REM1: variants seen among roughly 807,000 people sequenced by gnomAD.
REM1 encodes the protein RRAD and GEM like GTPase 1, also known as GTP-binding protein REM 1.
REM1 carries 20 observed loss-of-function variants against 27.0 expected under a neutral mutation model. That is an observed-to-expected ratio of 0.74 (90% CI 0.52 to 1.08). The LOEUF is 1.08. Among genes scored for constraint, REM1 ranks in the 50% least tolerant of loss-of-function variants. The pLI, the probability that REM1 is intolerant of heterozygous loss-of-function variation, is 0.00. For synonymous variants in REM1, 159 were observed against 167.9 expected (o/e 0.95, Z 0.41); for missense variants, 405 against 407.0 (o/e 1.00, Z 0.04).
At position 31,484,605 on chromosome 20, in the gene REM1, G is replaced by C. The variant is rs1343506415; in HGVS notation, c.*175G>C. The C allele has an allele frequency of 1.2e-6, 1 of 815,132 alleles. No individual in the cohort carries two copies. Among genetic ancestry groups the C allele is most frequent in the East Asian group, 3.2e-5 (1 of 31,058 alleles). 50.5% of individuals were successfully genotyped at this position (815,132 alleles called of 1,614,324 possible). A position where few individuals can be genotyped will look rare whatever the true frequency, so the allele number is the denominator to read the frequency against. ...CAAGCCTGGGGGATCCCGGGAAAGC[G>C]ATGGACAGACAGACGATGGGGCCGA... is the stretch of plus-strand genomic sequence containing the variant. On this transcript the variant is annotated 3_prime_UTR_variant, in exon 5 of 5. Coordinates refer to ENST00000201979, the MANE Select transcript of REM1 (RefSeq NM_014012.6).
At position 31,477,818 on chromosome 20, in the gene REM1, T is replaced by C. The variant is rs370485038; in HGVS notation, c.341-10T>C. The C allele has an allele frequency of 1.1e-5, 18 of 1,609,196 alleles. No individual in the cohort carries two copies. The highest frequency in any genetic ancestry group is 1.5e-5 in the Non-Finnish European group (18 of 1,177,714). On this transcript the variant is annotated splice_polypyrimidine_tract_variant and intron_variant, in intron 2 of 4. Coordinates refer to ENST00000201979, the MANE Select transcript of REM1 (RefSeq NM_014012.6). ...TCCTCCCTGAGATCCAGCTCTTCCC[T>C]CGGTTGCAGAAGATGTATATGAGAG...
Position 31,482,455 on chromosome 20 carries a change from G to A in REM1, c.592G>A (p.Asp198Asn). The change falls in exon 4 of 5, where the codon GAC becomes AAC. Residue 198 changes from aspartate (D) to asparagine (N), a missense_variant. By Grantham distance (23) the Asp-to-Asn change is conservative. Transcript: ENST00000201979. ...CATCATCCTCGTGGGCAACAAGGCA[G>A]ACTTGGCCCGCTGCCGAGAAGTCTC... ...VPIILVGNKADLARCREVSVE... is the reference protein window; with the variant it reads ...VPIILVGNKANLARCREVSVE... 1.9e-6 allele frequency: 3 copies of A among 1,614,176 alleles called. No homozygotes were observed. The highest frequency in any genetic ancestry group is 2.5e-6 in the Non-Finnish European group (3 of 1,180,036).
chr20:31,483,807 C>A (rs986920588), intron 4 of REM1, among the ~76,000 whole-genome samples: 2 of 151,484 alleles, frequency 1.3e-5, no homozygotes, highest in African/African-American at 2.4e-5. Flanking sequence ...GCAACATAAG[C>A]CCCAGGAGAT....
chr20:31,481,215 G>C (rs1980721063), intron 3 of REM1, among the ~76,000 whole-genome samples: 4 of 152,140 alleles, frequency 2.6e-5, no homozygotes, highest in Admixed American at 1.3e-4. Context: ...GGAGGTTGCA[G>C]TAAGCCAAGA....
At chr20:31,484,133 C>A (rs770683698) in intron 4 of REM1, 26 bp from the exon 5 acceptor site, 1 of 1,549,654 alleles carries the variant, frequency 6.5e-7, no homozygotes, top group Non-Finnish European at 8.7e-7. Context: ...GGCTCCACCC[C>A]TCCTCGCCGG....
At chr20:31,481,078 C>T (rs1980713359) in intron 3 of REM1, among the ~76,000 whole-genome samples, 1 of 152,052 alleles carries the variant, frequency 6.6e-6, no homozygotes, top group Admixed American at 6.6e-5. Flanking sequence ...TTGAGACCAG[C>T]CTGGCCAATA....
intron 3 of REM1, among the ~76,000 whole-genome samples, chr20:31,480,511 CAG>C (rs1980695504): frequency 6.6e-6 from 1 of 151,904 alleles, no homozygotes; most frequent in Non-Finnish European, 1.5e-5. Flanking sequence ...TTAGTAGAGA[CAG>C]GGTTTCACCA....
chr20:31,484,359 A>G lies in REM1; in HGVS notation c.826A>G (p.Thr276Ala). 6.4e-7 allele frequency: 1 copy of G among 1,559,922 alleles called. No homozygotes were observed. The highest frequency in any genetic ancestry group is 2.4e-5 in the East Asian group (1 of 42,080). The change falls in exon 5 of 5, where the codon ACA (threonine) becomes GCA (alanine). Residue 276 changes from threonine to alanine, a missense_variant. By Grantham distance (58) the Thr-to-Ala change is moderately conservative. Coordinates refer to ENST00000201979, the MANE Select transcript of REM1 (RefSeq NM_014012.6). ...QRARRFLARL[T>A]ARSARRRALK... ...CGCTCGTCGCTTCCTGGCACGCCTG[A>G]CAGCCCGCAGCGCACGCCGCCGGGC...
chr20:31,484,278 G>A lies in REM1; in HGVS notation c.745G>A (p.Asp249Asn), dbSNP rs748546153. ...VVRQLRLRRR[D>N]SAAKEPPAPR... ...GCGCCAACTGCGCTTGCGCCGCCGG[G>A]ACAGTGCGGCCAAGGAACCCCCAGC... The change falls in exon 5 of 5, where the codon GAC becomes AAC. Residue 249 changes from aspartate (D) to asparagine (N), a missense_variant. Coordinates refer to ENST00000201979, the MANE Select transcript of REM1 (RefSeq NM_014012.6). 3.8e-6 allele frequency: 6 copies of A among 1,593,616 alleles called. No individual in the cohort carries two copies. The East Asian group carries it at 1.1e-4, about 30-fold the overall frequency.
At position 31,475,485 on chromosome 20, in the gene REM1, G is replaced by A. The variant is rs1980461900; in HGVS notation, c.-220+119G>A. On this transcript the variant is annotated intron_variant, in intron 1 of 4. Transcript: ENST00000201979. This position sits in a 1 kb window ranked among gnomAD's most constrained non-coding sequence, Gnocchi z 5.0. ...GGGGGGCTTCGAAACCGCGTCCCTAGGGTGAGGGTCTTCAGACCTGGGACC... is the reference window on the plus strand; with the variant it reads ...GGGGGGCTTCGAAACCGCGTCCCTAAGGTGAGGGTCTTCAGACCTGGGACC... 1 of 152,322 alleles carries A rather than the reference G, an allele frequency of 6.6e-6. No individual in the cohort carries two copies. Among genetic ancestry groups the A allele is most frequent in the Non-Finnish European group, 1.5e-5 (1 of 68,112 alleles). The allele number at this position is 152,322 out of a possible 1,614,324, so 9.4% of individuals were successfully genotyped here.
In REM1 at chr20:31,476,265, T is replaced by C; in HGVS notation, c.-181T>C. 1 of 579,904 alleles carries C rather than the reference T, an allele frequency of 1.7e-6. No individual in the cohort carries two copies. The highest frequency in any genetic ancestry group is 3.5e-4 in the Middle Eastern group (1 of 2,882). 35.9% of individuals were successfully genotyped at this position (579,904 alleles called of 1,614,324 possible). On this transcript the variant is annotated 5_prime_UTR_variant, in exon 2 of 5. Coordinates refer to ENST00000201979, the MANE Select transcript of REM1 (RefSeq NM_014012.6). ...CTGAGGCCAGAAAACCTAGGGACTT[T>C]CTGCCCCAAGAAGCTGAGGCACCTC...
chr20:31,484,334 C>G lies in REM1; in HGVS notation c.801C>G (p.Arg267=). ...APRRPASLAQ[R]ARRFLARLTA... ...GACGGCCGGCCAGCCTAGCCCAGCGCGCTCGTCGCTTCCTGGCACGCCTGA... is the reference window on the plus strand; with the variant it reads ...GACGGCCGGCCAGCCTAGCCCAGCGGGCTCGTCGCTTCCTGGCACGCCTGA... Residue 267 remains arginine (R), a synonymous_variant, in exon 5 of 5, where the codon CGC becomes CGG. Transcript: ENST00000201979. The G allele has an allele frequency of 6.4e-7, 1 of 1,566,596 alleles. No homozygotes were observed. Among genetic ancestry groups the G allele is most frequent in the Non-Finnish European group, 8.6e-7 (1 of 1,156,710 alleles).
chr20:31,477,623 T>C (rs1980563697), intron 2 of REM1, among the ~76,000 whole-genome samples: 1 of 152,152 alleles, frequency 6.6e-6, no homozygotes, highest in Non-Finnish European at 1.5e-5. Flanking sequence ...CAATCAAATC[T>C]TTCTGGCACC....
chr20:31,479,192 C>A (rs960685673), intron 3 of REM1, among the ~76,000 whole-genome samples: 4 of 152,304 alleles, frequency 2.6e-5, no homozygotes, highest in East Asian at 3.9e-4. Context: ...TGACTGTCCT[C>A]CCCCTCAAGA....
At chr20:31,481,224 G>A (rs1980721552) in intron 3 of REM1, among the ~76,000 whole-genome samples, 1 of 152,126 alleles carries the variant, frequency 6.6e-6, no homozygotes, top group Non-Finnish European at 1.5e-5. Context: ...AGTAAGCCAA[G>A]ATCATGCCAC....
intron 2 of REM1, among the ~76,000 whole-genome samples, chr20:31,477,086 T>C (rs558685992): frequency 6.6e-6 from 1 of 152,196 alleles, no homozygotes; most frequent in South Asian, 2.1e-4. Flanking sequence ...CTGAATTCCA[T>C]GTTAAGAAAT....
chr20:31,476,778 G>C lies in REM1; in HGVS notation c.333G>C (p.Gln111His), dbSNP rs1174775979. The C allele has an allele frequency of 6.2e-7, 1 of 1,606,786 alleles. No homozygotes were observed. The highest frequency in any genetic ancestry group is 8.5e-7 in the Non-Finnish European group (1 of 1,176,502). The change falls in exon 2 of 5, where the codon CAG becomes CAC. Residue 111 changes from glutamine to histidine, a missense_variant. By Grantham distance (24) the Gln-to-His change is conservative. Transcript: ENST00000201979. The stretch of plus-strand genomic sequence containing the variant: ...AGCAAGAGAGGGACCTCCATGAACA[G>C]CTGGGAGGTAGGGGCCATATGGGCT... ...AGKQERDLHEQLGEDVYERTL... is the reference protein window; with the variant it reads ...AGKQERDLHEHLGEDVYERTL...
In REM1 at chr20:31,482,344, T is replaced by C; in HGVS notation, c.481T>C (p.Tyr161His). ...LQGGSAYVIV[Y>H]SIADRGSFES... ...GGGGGGCAGTGCCTATGTCATCGTA[T>C]ACTCCATCGCAGACCGAGGCAGCTT... The change falls in exon 4 of 5, where the codon TAC (tyrosine) becomes CAC (histidine). Residue 161 changes from tyrosine (Y) to histidine (H), a missense_variant. Coordinates refer to ENST00000201979, the MANE Select transcript of REM1 (RefSeq NM_014012.6). The C allele has an allele frequency of 6.2e-7, 1 of 1,614,184 alleles. No homozygotes were observed. Among genetic ancestry groups the C allele is most frequent in the Non-Finnish European group, 8.5e-7 (1 of 1,180,048 alleles).
intron 2 of REM1, among the ~76,000 whole-genome samples, chr20:31,477,235 A>AC (rs1213446885): frequency 2.0e-5 from 3 of 151,938 alleles, no homozygotes; most frequent in African/African-American, 7.3e-5. Flanking sequence ...AGACTCCGAG[A>AC]CCCCAAGTTC....
Sources: gnomAD v4.1 joint callset for allele counts (sites outside exome capture counted in the v4.1 genomes callset) on GRCh38, gnomAD v4.1.1 for gene constraint, Gnocchi (gnomAD v3.1) non-coding constraint, MANE v1.5 for transcripts, NCBI Gene and HGNC (gene_info 2026-07-23, HGNC 2026-07-21) for gene names.